Variants in SOAT2 observed in about 807,000 individuals in gnomAD.
SOAT2 encodes sterol O-acyltransferase 2, also known as ACAT-2.
In SOAT2, 87 loss-of-function variants were observed where a neutral mutation model predicts 76.0. The observed-to-expected ratio is 1.14, with a 90% CI of 0.96 to 1.37. The LOEUF (loss-of-function observed/expected upper bound fraction) is 1.37, where lower values mean the gene tolerates loss of function less well. Among genes scored for constraint, SOAT2 ranks in the 40% most tolerant of loss-of-function variants. The probability of loss-of-function intolerance (pLI) is 0.00; values close to 1 mark genes in which losing one functional copy is unlikely to be tolerated. For missense variants in SOAT2, 686 were observed against 682.1 expected (o/e 1.01, Z -0.06); for synonymous variants, 285 against 275.4 (o/e 1.03, Z -0.34).
At chr12:53,110,479 C>A (rs1214331448) in intron 5 of SOAT2, among the ~76,000 whole-genome samples, 1 of 152,202 alleles carries the variant, frequency 6.6e-6, no homozygotes, top group East Asian at 1.9e-4. Context: ...TTAACAAATT[C>A]TTTCAGGACT....
intron 7 of SOAT2, among the ~76,000 whole-genome samples, chr12:53,117,585 T>C (rs932160951): frequency 6.6e-6 from 1 of 152,022 alleles, no homozygotes; most frequent in Non-Finnish European, 1.5e-5. Flanking sequence ...ACATTAAAAA[T>C]CACTGGTCAC....
rs1565624807 is a variant in SOAT2, at chr12:53,103,627, G to A, written c.50G>A (p.Gly17Glu). The A allele has an allele frequency of 1.3e-6, 2 of 1,544,422 alleles. No individual in the cohort carries two copies. The highest frequency in any genetic ancestry group is 1.7e-6 in the Non-Finnish European group (2 of 1,145,870). Residue 17 changes from glycine (G) to glutamate (E), a missense_variant, in exon 1 of 15, where the codon GGA (glycine) becomes GAA (glutamate). Coordinates refer to ENST00000301466, the MANE Select transcript of SOAT2 (RefSeq NM_003578.4). ...RLRLQRTEGLGGERERQPCGD... is the reference protein window; with the variant it reads ...RLRLQRTEGLEGERERQPCGD... ...CGTCTGCAGAGGACAGAAGGGCTGGGAGGGGAGCGGGAGCGCCAACCCTGT... is the reference window on the plus strand; with the variant it reads ...CGTCTGCAGAGGACAGAAGGGCTGGAAGGGGAGCGGGAGCGCCAACCCTGT...
chr12:53,115,602 C>T lies in SOAT2; in HGVS notation c.656C>T (p.Ala219Val), dbSNP rs1487491518. 2 of 1,570,916 alleles carry T rather than the reference C, an allele frequency of 1.3e-6. No homozygotes were observed. Among genetic ancestry groups the T allele is most frequent in the African/African-American group, 1.3e-5 (1 of 74,316 alleles). The stretch of plus-strand genomic sequence containing the variant: ...CTCTGCGCGCTGCCGGTCCACGTGG[C>T]CGTGGAGCATCAGCTCCCGCCGGCC... Reference protein sequence around the residue: ...VVLCALPVHVAVEHQLPPASR... With the variant: ...VVLCALPVHVVVEHQLPPASR... The change falls in exon 6 of 15, where the codon GCC becomes GTC. Residue 219 changes from alanine (A) to valine (V), a missense_variant. By Grantham distance (64) the Ala-to-Val change is moderately conservative. Coordinates refer to ENST00000301466, the MANE Select transcript of SOAT2 (RefSeq NM_003578.4).
At chr12:53,106,362 G>T (rs1227719284) in intron 5 of SOAT2, among the ~76,000 whole-genome samples, 1 of 152,224 alleles carries the variant, frequency 6.6e-6, no homozygotes, top group Non-Finnish European at 1.5e-5. Flanking sequence ...AGCACCTCCC[G>T]AGTACCAGTC....
chr12:53,117,505 G>C (rs1461874770), intron 7 of SOAT2, among the ~76,000 whole-genome samples: 2 of 152,006 alleles, frequency 1.3e-5, no homozygotes, highest in Non-Finnish European at 2.9e-5. Flanking sequence ...AACACACACA[G>C]AATTTGTCAG....
At chr12:53,120,432 G>A (rs1379109197) in intron 10 of SOAT2, among the ~76,000 whole-genome samples, 1 of 152,030 alleles carries the variant, frequency 6.6e-6, no homozygotes, top group Admixed American at 6.6e-5. Context: ...TCGTGCCACT[G>A]CACTCCAGAC....
chr12:53,110,919 T>C (rs979976595), intron 5 of SOAT2, among the ~76,000 whole-genome samples: 1 of 152,166 alleles, frequency 6.6e-6, no homozygotes, highest in African/African-American at 2.4e-5. Context: ...CCTTTAAGGT[T>C]TGAATTAGAC....
At chr12:53,114,300 A>T (rs1468694046) in intron 5 of SOAT2, among the ~76,000 whole-genome samples, 9 of 152,298 alleles carry the variant, frequency 5.9e-5, no homozygotes, top group African/African-American at 2.2e-4. Flanking sequence ...AGGTTTGCAT[A>T]AGAAAAAAAT....
In SOAT2 at chr12:53,105,564, C is replaced by G. The variant is rs199993045; in HGVS notation, c.279C>G (p.Thr93=). 1.6e-4 allele frequency: 261 copies of G among 1,611,282 alleles called. 1 individual carries two copies. The highest frequency in any genetic ancestry group is 7.6e-6 in the Non-Finnish European group (9 of 1,178,456). ...PPPPPGSLSR[T]QEPSLGKQKV... ...CTGAACAAACATCTCAATTCAGGAC[C>G]CAGGAGCCATCCCTGGGGAAACAGA... is the stretch of plus-strand genomic sequence containing the variant. The change falls in exon 4 of 15, where the codon ACC becomes ACG. Residue 93 remains threonine (T), a synonymous_variant. Coordinates refer to ENST00000301466, the MANE Select transcript of SOAT2 (RefSeq NM_003578.4).
At chr12:53,120,505 G>A (rs1938174425) in intron 10 of SOAT2, among the ~76,000 whole-genome samples, 1 of 151,814 alleles carries the variant, frequency 6.6e-6, no homozygotes, top group African/African-American at 2.4e-5. Context: ...TGGGAGTGGT[G>A]GCTCATGTCT....
rs774626815 is a variant in SOAT2 at position 53,115,450 on chromosome 12, G to A, written c.504G>A (p.Val168=). ...TCGGACAGCTGCCATTGGCGCTGGT[G>A]ACCTGGGTGCCCATGTTTCTGTCCA... ...FSFGQLPLAL[V]TWVPMFLSTL... The change falls in exon 6 of 15, where the codon GTG becomes GTA. Residue 168 remains valine, a synonymous_variant. Coordinates refer to ENST00000301466, the MANE Select transcript of SOAT2 (RefSeq NM_003578.4). 3.5e-5 allele frequency: 57 copies of A among 1,612,506 alleles called. No individual in the cohort carries two copies. The highest frequency in any genetic ancestry group is 4.7e-5 in the Non-Finnish European group (55 of 1,179,782).
At chr12:53,122,748 C>A (rs549037612) in intron 12 of SOAT2, among the ~76,000 whole-genome samples, 1 of 152,072 alleles carries the variant, frequency 6.6e-6, no homozygotes, top group Non-Finnish European at 1.5e-5. Context: ...ACACAGACAC[C>A]GCAACCATCC....
rs533305075 is a variant in SOAT2, at chr12:53,120,731, C to T, written c.1040-55C>T. The T allele has an allele frequency of 1.3e-5, 17 of 1,285,248 alleles. No homozygotes were observed. In the African/African-American group the frequency reaches 2.2e-4, roughly 17 times the overall value. The allele number at this position is 1,285,248 out of a possible 1,614,324, so 79.6% of individuals were successfully genotyped here. On this transcript the variant is annotated intron_variant, in intron 10 of 14. Transcript: ENST00000301466. ...CTCCTCAGAACCCAGATCAGGGCTG[C>T]CTGTGGGTCCATGTGGGCCAGCCTG...
rs766931806 is a variant in SOAT2, at chr12:53,123,893, A to AC, written c.1518+20_1518+21insC. 141 of 1,613,828 alleles carry AC rather than the reference A, an allele frequency of 8.7e-5. No homozygotes were observed. The East Asian group carries it at 3.1e-3, about 35-fold the overall frequency. On this transcript the variant is annotated intron_variant, in intron 14 of 14. Coordinates refer to ENST00000301466, the MANE Select transcript of SOAT2 (RefSeq NM_003578.4). ...CCCCAGGTAAGAGACCACAACCCTCATCCAGCTCCCCATCCATGAGGACAC... is the reference window on the plus strand; with the variant it reads ...CCCCAGGTAAGAGACCACAACCCTCACTCCAGCTCCCCATCCATGAGGACAC...
chr12:53,103,914 A>G (rs2280699), intron 1 of SOAT2, among the ~76,000 whole-genome samples: 45,912 of 151,992 alleles, frequency 0.3, 8,485 homozygotes, highest in African/African-American at 0.53. Flanking sequence ...GTAGCTTCCC[A>G]TTCCCTGAGT....
Position 53,121,417 on chromosome 12 carries a change from A to C in SOAT2, c.1236+16A>C, listed in dbSNP as rs753818990. 6.3e-7 allele frequency: 1 copy of C among 1,592,210 alleles called. No homozygotes were observed. ...TGGGCTGCGGGTATGGGCCCTGCAG[A>C]CCCCTTCAGCTCTCACAGTTAATAG... is the stretch of plus-strand genomic sequence containing the variant. On this transcript the variant is annotated intron_variant, in intron 12 of 14. Coordinates refer to ENST00000301466, the MANE Select transcript of SOAT2 (RefSeq NM_003578.4).
Position 53,124,166 on chromosome 12 carries a change from T to C in SOAT2, c.*43T>C. The C allele has an allele frequency of 6.2e-7, 1 of 1,610,302 alleles. No individual in the cohort carries two copies. The highest frequency in any genetic ancestry group is 1.1e-5 in the South Asian group (1 of 90,986). ...GCTACCTGCCCAGACACCACCAAGTTCTCTGCCTGCAAAACCTGGGACCAG... is the reference window on the plus strand; with the variant it reads ...GCTACCTGCCCAGACACCACCAAGTCCTCTGCCTGCAAAACCTGGGACCAG... On this transcript the variant is annotated 3_prime_UTR_variant, in exon 15 of 15. Coordinates refer to ENST00000301466, the MANE Select transcript of SOAT2 (RefSeq NM_003578.4).
rs1937886649 is a variant in SOAT2 at position 53,104,139 on chromosome 12, C to G, written c.83-12C>G. 1.9e-6 allele frequency: 3 copies of G among 1,612,278 alleles called. No individual in the cohort carries two copies. The highest frequency in any genetic ancestry group is 2.2e-5 in the East Asian group (1 of 44,856). ...TCCTCCTGTTGACTGTGCCTTTGATCCCTCCTCACAGGAAACACTGAGACG... is the reference window on the plus strand; with the variant it reads ...TCCTCCTGTTGACTGTGCCTTTGATGCCTCCTCACAGGAAACACTGAGACG... On this transcript the variant is annotated splice_polypyrimidine_tract_variant and intron_variant, in intron 1 of 14. Transcript: ENST00000301466.
At chr12:53,120,593 C>T (rs1362011519) in intron 10 of SOAT2, among the ~76,000 whole-genome samples, 193 bp from the exon 11 acceptor site, 1 of 147,756 alleles carries the variant, frequency 6.8e-6, no homozygotes, top group Non-Finnish European at 1.5e-5. Context: ...GAGCTATGAT[C>T]ACACCACTGC....
Sources: gnomAD v4.1 joint callset for allele counts (sites outside exome capture counted in the v4.1 genomes callset) on GRCh38, gnomAD v4.1.1 for gene constraint, MANE v1.5 for transcripts, NCBI Gene and HGNC (gene_info 2026-07-23, HGNC 2026-07-21) for gene names.